Variants in SLC9A7 observed in about 807,000 individuals in gnomAD.
SLC9A7 encodes solute carrier family 9 member A7.
In SLC9A7, 19 loss-of-function variants were observed where a neutral mutation model predicts 52.6. The ratio of observed to expected loss-of-function variants is 0.36; its 90% CI spans 0.25 to 0.53. The LOEUF (loss-of-function observed/expected upper bound fraction) is 0.53. SLC9A7 is among the 20% of genes least tolerant of loss of function. The pLI is 0.91. For missense variants in SLC9A7, 455 were observed against 597.9 expected (o/e 0.76, Z 2.49); for synonymous variants, 226 against 252.1 (o/e 0.90, Z 0.98).
At chrX:46,734,762 C>A (rs903865562) in intron 1 of SLC9A7, among the ~76,000 whole-genome samples, 3 of 110,968 alleles carry the variant, frequency 2.7e-5, no homozygotes, top group Non-Finnish European at 5.7e-5. Flanking sequence ...TCACATCCCA[C>A]AAAATTCACT....
At chrX:46,649,095 T>TATCTATCTATCTATCC (rs1432838557) in intron 10 of SLC9A7, among the ~76,000 whole-genome samples, 1 of 111,579 alleles carries the variant, frequency 9.0e-6, no homozygotes, top group African/African-American at 3.3e-5. Flanking sequence ...TCTATCTATC[T>TATCTATCTATCTATCC]ATCCATCTAT....
chrX:46,742,453 A>G (rs1921424619), intron 1 of SLC9A7, among the ~76,000 whole-genome samples: 1 of 111,386 alleles, frequency 9.0e-6, no homozygotes, highest in African/African-American at 3.3e-5. Context: ...TTATAGATAC[A>G]TGCAACAACA....
At chrX:46,665,557 C>CAAAAAAAAAAAAAAA (rs754854403) in intron 5 of SLC9A7, among the ~76,000 whole-genome samples, 1 of 21,786 alleles carries the variant, frequency 4.6e-5, no homozygotes, top group African/African-American at 1.4e-4. Flanking sequence ...GACTCCATCT[C>CAAAAAAAAAAAAAAA]AAAAAAAAAA....
intron 7 of SLC9A7, among the ~76,000 whole-genome samples, chrX:46,656,145 A>C: frequency 9.0e-6 from 1 of 111,696 alleles, no homozygotes; most frequent in Non-Finnish European, 1.9e-5. Flanking sequence ...ACTCCAACAG[A>C]CCTGCAGCTG....
At position 46,603,448 on chromosome X, in the gene SLC9A7, T is replaced by C. The variant is rs1219666930; in HGVS notation, c.*3504A>G. Reference sequence around the variant, plus strand: ...CCCTTTGGGGATAAACACAACACTCTATGAATTGAACTAAGACTAGGAAGG... The same window carrying C: ...CCCTTTGGGGATAAACACAACACTCCATGAATTGAACTAAGACTAGGAAGG... On this transcript the variant is annotated 3_prime_UTR_variant, in exon 17 of 17. Transcript: ENST00000616978. 3 of 112,115 alleles carry C rather than the reference T, an allele frequency of 2.7e-5. No homozygotes were observed. Among genetic ancestry groups the C allele is most frequent in the Non-Finnish European group, 5.6e-5 (3 of 53,231 alleles). The allele number at this position is 112,115 out of a possible 1,213,427, so 9.2% of individuals were successfully genotyped here. A position where few individuals can be genotyped will look rare whatever the true frequency, so the allele number is the denominator to read the frequency against.
intron 2 of SLC9A7, 104 bp from the exon 3 acceptor site, chrX:46,679,859 A>G (rs1363262353): frequency 3.9e-6 from 2 of 518,608 alleles, no homozygotes; most frequent in African/African-American, 4.8e-5. Flanking sequence ...TTGAATATTT[A>G]GAGCAAACAA....
At chrX:46,732,179 T>C (rs971414300) in intron 1 of SLC9A7, among the ~76,000 whole-genome samples, 1 of 111,480 alleles carries the variant, frequency 9.0e-6, no homozygotes, top group Non-Finnish European at 1.9e-5. Flanking sequence ...TAAACTGAGA[T>C]TGTGCCATTG....
chrX:46,750,139 A>G (rs755647358), intron 1 of SLC9A7, among the ~76,000 whole-genome samples: 1 of 110,793 alleles, frequency 9.0e-6, no homozygotes, highest in Non-Finnish European at 1.9e-5. Flanking sequence ...CTGGGCATAG[A>G]TTTCCCTCAG....
chrX:46,730,487 G>C (rs1479735612), intron 1 of SLC9A7, among the ~76,000 whole-genome samples: 1 of 103,482 alleles, frequency 9.7e-6, no homozygotes, highest in Non-Finnish European at 2.0e-5. Context: ...AGTGAGACCT[G>C]GTCTTCTCAA....
chrX:46,654,874 G>A (rs1159000917), intron 7 of SLC9A7, among the ~76,000 whole-genome samples: 3 of 110,900 alleles, frequency 2.7e-5, no homozygotes, highest in Non-Finnish European at 3.8e-5. Flanking sequence ...TTAAATCTGC[G>A]CTATCCAATG....
chrX:46,637,522 C>T (rs140751653), intron 12 of SLC9A7, among the ~76,000 whole-genome samples: 1,686 of 111,601 alleles, frequency 0.015, 26 homozygotes, highest in African/African-American at 0.045. Flanking sequence ...ATTACTACAC[C>T]CTGGAATGTG....
At chrX:46,624,641 T>C (rs1286235380) in intron 14 of SLC9A7, among the ~76,000 whole-genome samples, 1 of 112,139 alleles carries the variant, frequency 8.9e-6, no homozygotes, top group South Asian at 3.7e-4. Context: ...ATCTGGCATG[T>C]AGTTAGAGCT....
chrX:46,640,613 C>G (rs1454340030), intron 12 of SLC9A7, among the ~76,000 whole-genome samples: 1 of 111,904 alleles, frequency 8.9e-6, no homozygotes, highest in African/African-American at 3.2e-5. Flanking sequence ...AAGCTACACA[C>G]TGGGAAAAAA....
intron 5 of SLC9A7, among the ~76,000 whole-genome samples, chrX:46,664,910 TG>T (rs1943891469): frequency 9.1e-6 from 1 of 110,254 alleles, no homozygotes; most frequent in Non-Finnish European, 1.9e-5. Flanking sequence ...ATACCACACC[TG>T]GCCTAAAAGC....
intron 1 of SLC9A7, among the ~76,000 whole-genome samples, chrX:46,742,988 C>A (rs1921474332): frequency 9.1e-6 from 1 of 109,860 alleles, no homozygotes; most frequent in Non-Finnish European, 1.9e-5. Flanking sequence ...GAGTGTGAGG[C>A]TGCAGTGAGC....
At chrX:46,743,527 T>A (rs1267015087) in intron 1 of SLC9A7, among the ~76,000 whole-genome samples, 2 of 111,796 alleles carry the variant, frequency 1.8e-5, no homozygotes, top group Non-Finnish European at 3.8e-5. Context: ...AAAAGTTTGT[T>A]CTATGCAGCC....
intron 5 of SLC9A7, among the ~76,000 whole-genome samples, chrX:46,665,535 G>A (rs1300694626): frequency 2.2e-5 from 2 of 90,229 alleles, no homozygotes; most frequent in Non-Finnish European, 4.2e-5. Context: ...TCCAGCCTGG[G>A]CGACAGAGTA....
intron 1 of SLC9A7, among the ~76,000 whole-genome samples, chrX:46,755,692 G>A (rs1018735776): frequency 1.1e-4 from 12 of 109,090 alleles, no homozygotes; most frequent in African/African-American, 1.3e-4. Flanking sequence ...GCATGGTGGC[G>A]GGCGCCTGTA....
intron 12 of SLC9A7, 82 bp from the exon 13 acceptor site, chrX:46,635,730 TC>T: frequency 1.5e-6 from 1 of 673,711 alleles, no homozygotes; most frequent in Non-Finnish European, 2.4e-6. Flanking sequence ...CTGGACCATG[TC>T]CACCAGAGAA....
Sources: gnomAD v4.1 joint callset for allele counts (sites outside exome capture counted in the v4.1 genomes callset) on GRCh38, gnomAD v4.1.1 for gene constraint, MANE v1.5 for transcripts, NCBI Gene and HGNC (gene_info 2026-07-23, HGNC 2026-07-21) for gene names.